Variants in SPAG17 observed in about 807,000 individuals in gnomAD.
SPAG17 encodes the protein sperm-associated antigen 17.
Under a neutral mutation model 273.6 loss-of-function variants are expected in SPAG17, and 169 were observed. The ratio of observed to expected loss-of-function variants is 0.62; its 90% CI spans 0.55 to 0.70. The LOEUF (loss-of-function observed/expected upper bound fraction) is 0.70. SPAG17 is among the 30% of genes least tolerant of loss of function. The probability of loss-of-function intolerance (pLI) is 0.00; values close to 1 mark genes in which losing one functional copy is unlikely to be tolerated. For missense variants in SPAG17, 2,557 were observed against 2,627.8 expected, an observed-to-expected ratio of 0.97 and a Z score of 0.59; for synonymous variants, 825 against 873.2, an observed-to-expected ratio of 0.94 and a Z score of 0.97.
chr1:117,986,284 T>G (rs1341519472), intron 40 of SPAG17, among the ~76,000 whole-genome samples: 2 of 152,226 alleles, frequency 1.3e-5, no homozygotes, highest in African/African-American at 2.4e-5. Context: ...TCTCTTAAAA[T>G]TATTCTCACA....
At chr1:118,158,628 G>A (rs1659769230) in intron 1 of SPAG17, among the ~76,000 whole-genome samples, 1 of 152,120 alleles carries the variant, frequency 6.6e-6, no homozygotes, top group Admixed American at 6.5e-5. Flanking sequence ...AATAAGACAC[G>A]TTTCCTGGCC....
intron 46 of SPAG17, among the ~76,000 whole-genome samples, chr1:117,968,972 C>A (rs1300314120): frequency 1.3e-5 from 2 of 152,108 alleles, no homozygotes; most frequent in Admixed American, 6.6e-5. Context: ...TCCTCTGCGC[C>A]CTGACCACTT....
chr1:118,042,211 A>C (rs1396849126), intron 20 of SPAG17, among the ~76,000 whole-genome samples, 169 bp from the exon 21 acceptor site: 1 of 152,072 alleles, frequency 6.6e-6, no homozygotes, highest in Non-Finnish European at 1.5e-5. Flanking sequence ...TTTCTCACTC[A>C]ACTTCTGTCT....
chr1:118,113,023 T>G (rs1054969531), intron 4 of SPAG17, among the ~76,000 whole-genome samples: 46 of 152,152 alleles, frequency 3.0e-4, no homozygotes, highest in African/African-American at 1.1e-3. Flanking sequence ...TATTACTTAT[T>G]TTTGCCCTCA....
At chr1:118,031,459 A>G (rs1240086081) in intron 25 of SPAG17, among the ~76,000 whole-genome samples, 1 of 152,180 alleles carries the variant, frequency 6.6e-6, no homozygotes, top group Non-Finnish European at 1.5e-5. Context: ...CCAAACTTAG[A>G]ATGAATGACC....
At chr1:118,065,220 G>C (rs1322901286) in intron 18 of SPAG17, among the ~76,000 whole-genome samples, 1 of 151,948 alleles carries the variant, frequency 6.6e-6, no homozygotes, top group African/African-American at 2.4e-5. Flanking sequence ...CAGGTGTAAT[G>C]GTCAAATATC....
intron 1 of SPAG17, among the ~76,000 whole-genome samples, chr1:118,178,369 A>C (rs1660792040): frequency 6.6e-6 from 1 of 152,114 alleles, no homozygotes; most frequent in Non-Finnish European, 1.5e-5. Flanking sequence ...ATAGATGATG[A>C]AAAAGCATTT....
intron 4 of SPAG17, among the ~76,000 whole-genome samples, chr1:118,114,796 A>T (rs1461690930): frequency 1.3e-5 from 2 of 152,238 alleles, no homozygotes; most frequent in African/African-American, 4.8e-5. Context: ...TGAAAAATCC[A>T]GGTATGAAGA....
intron 13 of SPAG17, among the ~76,000 whole-genome samples, chr1:118,082,570 A>T (rs570927111): frequency 4.6e-5 from 7 of 152,186 alleles, no homozygotes; most frequent in Admixed American, 1.3e-4. Flanking sequence ...GGCATCATTA[A>T]CTATAATGAA....
At chr1:118,087,227 C>A in intron 10 of SPAG17, 1 of 369,054 alleles carries the variant, frequency 2.7e-6, no homozygotes, top group Admixed American at 4.5e-5. Context: ...TTTAATATTT[C>A]TATTAAAATA....
intron 43 of SPAG17, 59 bp from the exon 44 acceptor site, chr1:117,973,620 G>T: frequency 6.5e-7 from 1 of 1,544,326 alleles, no homozygotes; most frequent in Non-Finnish European, 8.8e-7. Context: ...CACATTTGAA[G>T]TAATATCAGA....
chr1:117,978,059 C>G (rs1229435254), intron 43 of SPAG17, among the ~76,000 whole-genome samples: 1 of 152,180 alleles, frequency 6.6e-6, no homozygotes, highest in South Asian at 2.1e-4. Flanking sequence ...TTTCCAGTAC[C>G]CTTTCTGGAT....
intron 24 of SPAG17, 198 bp downstream of exon 24, chr1:118,036,572 T>C (rs1210831660): frequency 3.1e-6 from 1 of 324,272 alleles, no homozygotes; most frequent in African/African-American, 2.1e-5. Context: ...AAAGATTATA[T>C]ATATATATAC....
chr1:118,025,540 C>T, intron 26 of SPAG17, 124 bp from the exon 27 acceptor site: 3 of 798,488 alleles, frequency 3.8e-6, no homozygotes, highest in Non-Finnish European at 5.5e-6. Context: ...CAAAGTCTCG[C>T]TTTGTCATCC....
intron 20 of SPAG17, among the ~76,000 whole-genome samples, chr1:118,053,795 A>T (rs971203655): frequency 6.6e-6 from 1 of 152,012 alleles, no homozygotes; most frequent in African/African-American, 2.4e-5. Context: ...AAGCTATAAC[A>T]TATACACAAA....
In SPAG17 at chr1:118,067,692, A is replaced by C. The variant is rs536911751; in HGVS notation, c.2386-793T>G. 2.3e-3 allele frequency among the ~76,000 whole-genome samples: 348 copies of C among 152,322 alleles called. 2 individuals are homozygous for C. The highest frequency in any genetic ancestry group is 8.0e-3 in the African/African-American group (334 of 41,568). On this transcript the variant is annotated intron_variant, in intron 17 of 48. Transcript: ENST00000336338. Reference sequence around the variant, plus strand: ...ATCAGTAGGTATGATTATTTTTCCCATATCAAAATATTAGAATTCTCATTT... The same window carrying C: ...ATCAGTAGGTATGATTATTTTTCCCCTATCAAAATATTAGAATTCTCATTT...
chr1:117,995,256 T>G (rs1657526446), intron 34 of SPAG17, among the ~76,000 whole-genome samples: 1 of 152,152 alleles, frequency 6.6e-6, no homozygotes, highest in South Asian at 2.1e-4. Context: ...TGTTAGATTC[T>G]CTCATAGAAC....
intron 3 of SPAG17, among the ~76,000 whole-genome samples, chr1:118,118,888 G>T (rs958882859): frequency 1.3e-5 from 2 of 152,150 alleles, no homozygotes; most frequent in Non-Finnish European, 2.9e-5. Flanking sequence ...CTGGCTCAAA[G>T]AATTACATCA....
intron 28 of SPAG17, among the ~76,000 whole-genome samples, chr1:118,018,980 G>A (rs1660235955): frequency 6.8e-6 from 1 of 147,840 alleles, no homozygotes; most frequent in African/African-American, 2.5e-5. Flanking sequence ...GCTGCAGTGA[G>A]CTGTGATCAT....
Sources: gnomAD v4.1 joint callset for allele counts (sites outside exome capture counted in the v4.1 genomes callset) on GRCh38, gnomAD v4.1.1 for gene constraint, MANE v1.5 for transcripts, NCBI Gene and HGNC (gene_info 2026-07-23, HGNC 2026-07-21) for gene names.